The following ANKRD11 variants were observed in gnomAD, a reference collection of about 807,000 sequenced individuals.
ANKRD11 encodes ankyrin repeat domain-containing protein 11.
Under a neutral mutation model 195.7 loss-of-function variants are expected in ANKRD11, and 17 were observed. That is an observed-to-expected ratio of 0.09 (90% confidence interval 0.06 to 0.13). The LOEUF is 0.13. Ranked by LOEUF, ANKRD11 falls within the 10% of genes least tolerant of loss-of-function variation. The pLI is 1.00. For missense variants in ANKRD11, 3,735 were observed against 3,566.1 expected, an observed-to-expected ratio of 1.05 and a Z score of -1.21; for synonymous variants, 1,953 against 1,528.1, an observed-to-expected ratio of 1.28 and a Z score of -6.49.
At chr16:89,440,636 A>G (rs1567808759) in intron 1 of ANKRD11, among the ~76,000 whole-genome samples, 1 of 152,116 alleles carries the variant, frequency 6.6e-6, no homozygotes, top group Non-Finnish European at 1.5e-5. Context: ...AGGAGGAGGT[A>G]AGAGGGAAAG....
chr16:89,332,344 A>C (rs575892440), intron 2 of ANKRD11, among the ~76,000 whole-genome samples: 1 of 152,258 alleles, frequency 6.6e-6, no homozygotes, highest in East Asian at 1.9e-4. Context: ...TGGCCCAAGC[A>C]CCTCTGGTGG....
chr16:89,476,741 G>C (rs1327805558), intron 1 of ANKRD11, among the ~76,000 whole-genome samples: 2 of 152,170 alleles, frequency 1.3e-5, no homozygotes, highest in Non-Finnish European at 2.9e-5. Flanking sequence ...CAAAGAGATG[G>C]GGGCCCAAGG....
Position 89,283,167 on chromosome 16 carries a change from G to C in ANKRD11, c.3375C>G (p.Asp1125Glu). 1 of 1,613,956 alleles carries C rather than the reference G, an allele frequency of 6.2e-7. No individual in the cohort carries two copies. The highest frequency in any genetic ancestry group is 8.5e-7 in the Non-Finnish European group (1 of 1,180,020). The change falls in exon 9 of 13, where the codon GAC becomes GAG. Residue 1125 changes from aspartate to glutamate, a missense_variant. Transcript: ENST00000301030. This position sits in a 1 kb window ranked among gnomAD's most constrained non-coding sequence, Gnocchi z 4.3. ...IADIFTDESEDDRDSCMGSGF... is the reference protein window; with the variant it reads ...IADIFTDESEEDRDSCMGSGF... ...CGCTCCCCATGCAGCTGTCTCTGTC[G>C]TCCTCACTCTCATCTGTGAAGATGT...
chr16:89,432,179 T>C (rs2043007797), intron 1 of ANKRD11, among the ~76,000 whole-genome samples: 1 of 151,874 alleles, frequency 6.6e-6, no homozygotes, highest in Non-Finnish European at 1.5e-5. Context: ...CTCAGTCTGG[T>C]GTGCAGAAGT....
intron 6 of ANKRD11, chr16:89,289,111 A>G: frequency 3.8e-6 from 1 of 265,732 alleles, no homozygotes; most frequent in Non-Finnish European, 7.4e-6. Flanking sequence ...CAGGAGCTCC[A>G]GGGGCGCCCA....
chr16:89,476,009 G>A (rs1171541940), intron 1 of ANKRD11, among the ~76,000 whole-genome samples: 6 of 149,674 alleles, frequency 4.0e-5, no homozygotes, highest in African/African-American at 7.4e-5. Context: ...CCAAGATCAC[G>A]CCACTGCACT....
At chr16:89,388,758 C>T (rs2152120525) in intron 2 of ANKRD11, among the ~76,000 whole-genome samples, 1 of 152,276 alleles carries the variant, frequency 6.6e-6, no homozygotes, top group Non-Finnish European at 1.5e-5. Flanking sequence ...TGGAATGGTG[C>T]CACTGCCCAG....
intron 2 of ANKRD11, among the ~76,000 whole-genome samples, chr16:89,415,829 CAAAAAAAA>C (rs71134220): frequency 0.012 from 462 of 39,746 alleles, 26 homozygotes; most frequent in African/African-American, 0.04. Flanking sequence ...GACTCTGTCT[CAAAAAAAA>C]AAAAAAAAAA....
At chr16:89,462,550 C>T (rs1183993054) in intron 1 of ANKRD11, among the ~76,000 whole-genome samples, 3 of 151,394 alleles carry the variant, frequency 2.0e-5, no homozygotes, top group Non-Finnish European at 2.9e-5. Context: ...ATGTGAGGAG[C>T]CCCTCTGCCT....
In ANKRD11 at chr16:89,283,254, T is replaced by G; in HGVS notation, c.3288A>C (p.Ser1096=). ...CATCTTTTTTTTCAGAGAAGTCTTC[T>G]GAGATGATCCCAGGGAAAGCCTTCT... ...KKEKAFPGII[S]EDFSEKKDDK... is the part of the protein sequence containing the mutation. Residue 1096 remains serine (S), a synonymous_variant, in exon 9 of 13, where the codon TCA becomes TCC. Transcript: ENST00000301030. The surrounding 1 kb of genome is among the most constrained non-coding windows in gnomAD (Gnocchi z 4.3). The G allele has an allele frequency of 6.2e-7, 1 of 1,614,216 alleles. No homozygotes were observed. Among genetic ancestry groups the G allele is most frequent in the Non-Finnish European group, 8.5e-7 (1 of 1,180,050 alleles).
intron 2 of ANKRD11, among the ~76,000 whole-genome samples, chr16:89,344,575 G>A (rs2038848762): frequency 2.6e-5 from 4 of 152,312 alleles, no homozygotes; most frequent in South Asian, 2.1e-4. Context: ...CTGCCTCAGC[G>A]TCTGAGGGAT....
At position 89,353,350 on chromosome 16, in the gene ANKRD11, A is replaced by AAAGAGAG. The variant is rs1555550448; in HGVS notation, c.-59-36273_-59-36272insCTCTCTT. 4.6e-3 allele frequency among the ~76,000 whole-genome samples: 693 copies of AAAGAGAG among 149,524 alleles called. 3 individuals carry two copies. Among genetic ancestry groups the AAAGAGAG allele is most frequent in the African/African-American group, 0.017 (669 of 40,520 alleles). ...GAGTGAGACTCCAACTCCAAAAAAA[A>AAAGAGAG]AGAGAGAGAGAGAGAGAGAGAGAAA... On this transcript the variant is annotated intron_variant, in intron 2 of 12. Coordinates refer to ENST00000301030, the MANE Select transcript of ANKRD11 (RefSeq NM_013275.6).
At chr16:89,440,267 C>T (rs1289354001) in intron 1 of ANKRD11, among the ~76,000 whole-genome samples, 1 of 152,084 alleles carries the variant, frequency 6.6e-6, no homozygotes, top group African/African-American at 2.4e-5. Flanking sequence ...ACATGTTCCC[C>T]TGGGGGGAGG....
At chr16:89,332,757 C>T (rs1285478635) in intron 2 of ANKRD11, among the ~76,000 whole-genome samples, 1 of 152,232 alleles carries the variant, frequency 6.6e-6, no homozygotes, top group African/African-American at 2.4e-5. Flanking sequence ...CTGCCCTGAC[C>T]TCCCTAGTTT....
At chr16:89,413,984 C>G (rs1437183865) in intron 2 of ANKRD11, among the ~76,000 whole-genome samples, 1 of 152,060 alleles carries the variant, frequency 6.6e-6, no homozygotes, top group Non-Finnish European at 1.5e-5. Flanking sequence ...GGAGGGGGCT[C>G]GGCTCTGGCT....
chr16:89,440,936 T>C (rs1333746737), intron 1 of ANKRD11, among the ~76,000 whole-genome samples: 1 of 152,150 alleles, frequency 6.6e-6, no homozygotes, highest in Non-Finnish European at 1.5e-5. Flanking sequence ...TCGTGGTTTA[T>C]AAAAAATAAG....
At position 89,282,303 on chromosome 16, in the gene ANKRD11, T is replaced by G; in HGVS notation, c.4239A>C (p.Glu1413Asp). Residue 1413 changes from glutamate (E) to aspartate (D), a missense_variant, in exon 9 of 13, where the codon GAA becomes GAC. Transcript: ENST00000301030. ...GVSYNMKADI[E>D]DELDKTIELF... ...ATTCAATGGTTTTATCTAGCTCATC[T>G]TCTATGTCAGCTTTCATGTTGTAAG... is the stretch of plus-strand genomic sequence containing the variant. 1 of 1,613,812 alleles carries G rather than the reference T, an allele frequency of 6.2e-7. No homozygotes were observed. Among genetic ancestry groups the G allele is most frequent in the Non-Finnish European group, 8.5e-7 (1 of 1,180,046 alleles).
chr16:89,372,485 G>A (rs1480036406), intron 2 of ANKRD11, among the ~76,000 whole-genome samples: 7 of 152,190 alleles, frequency 4.6e-5, no homozygotes, highest in Admixed American at 6.5e-5. Context: ...TGAGAAGAGC[G>A]AAGGCCAAGG....
rs1217789631 is a variant in ANKRD11 at position 89,268,447 on chromosome 16, C to G, written c.*31G>C. 1.9e-6 allele frequency: 2 copies of G among 1,028,066 alleles called. No homozygotes were observed. Among genetic ancestry groups the G allele is most frequent in the African/African-American group, 3.6e-5 (2 of 55,486 alleles). The allele number at this position is 1,028,066 out of a possible 1,614,324, so 63.7% of individuals were successfully genotyped here. Reference sequence around the variant, plus strand: ...AGCAGTCCTGGGCAGCCGTGCGGCCCTCGCCTGCGTCCTGCGGCCGTCCCG... The same window carrying G: ...AGCAGTCCTGGGCAGCCGTGCGGCCGTCGCCTGCGTCCTGCGGCCGTCCCG... On this transcript the variant is annotated 3_prime_UTR_variant, in exon 13 of 13. Transcript: ENST00000301030.
Sources: gnomAD v4.1 joint callset for allele counts (sites outside exome capture counted in the v4.1 genomes callset) on GRCh38, gnomAD v4.1.1 for gene constraint, Gnocchi (gnomAD v3.1) non-coding constraint, MANE v1.5 for transcripts, NCBI Gene and HGNC (gene_info 2026-07-23, HGNC 2026-07-21) for gene names.